Variants in RAI1 observed in about 807,000 individuals in gnomAD.
RAI1 encodes retinoic acid induced 1.
In RAI1, 9 loss-of-function variants were observed where a neutral mutation model predicts 123.8. That is an observed-to-expected ratio of 0.07 (90% CI 0.04 to 0.13). The LOEUF is 0.13. Among genes scored for constraint, RAI1 ranks in the 10% least tolerant of loss-of-function variants. The pLI is 1.00. For synonymous variants in RAI1, 1,231 were observed against 1,127.3 expected, an observed-to-expected ratio of 1.09 and a Z score of -1.84; for missense variants, 2,256 against 2,545.8, an observed-to-expected ratio of 0.89 and a Z score of 2.45.
chr17:17,792,869 C>A, intron 2 of RAI1, 64 bp from the exon 3 acceptor site: 1 of 1,059,104 alleles, frequency 9.4e-7, no homozygotes, highest in Non-Finnish European at 1.4e-6. Context: ...ATCCTCTGCC[C>A]CCTCCCTGCC....
At chr17:17,692,285 G>A (rs756962233) in intron 1 of RAI1, among the ~76,000 whole-genome samples, 9 of 152,216 alleles carry the variant, frequency 5.9e-5, no homozygotes, top group Non-Finnish European at 1.2e-4. Flanking sequence ...GGGGGTTCCT[G>A]ACAGGAGGGC....
chr17:17,786,812 G>A (rs905060428), intron 2 of RAI1, among the ~76,000 whole-genome samples: 4 of 152,234 alleles, frequency 2.6e-5, no homozygotes, highest in African/African-American at 7.2e-5. Flanking sequence ...GGTGGCTCAC[G>A]CCTGTAATCC....
At chr17:17,686,178 A>C (rs2142855358) in intron 1 of RAI1, among the ~76,000 whole-genome samples, 1 of 152,346 alleles carries the variant, frequency 6.6e-6, no homozygotes, top group East Asian at 1.9e-4. Flanking sequence ...GCTTCCTGGC[A>C]GGAGGGCCAG....
At chr17:17,766,720 G>A (rs900988395) in intron 2 of RAI1, among the ~76,000 whole-genome samples, 3 of 152,250 alleles carry the variant, frequency 2.0e-5, no homozygotes, top group Non-Finnish European at 4.4e-5. Flanking sequence ...CGCACAGGCG[G>A]CGGCACTGTT....
chr17:17,793,568 C>T lies in RAI1; in HGVS notation c.620C>T (p.Thr207Ile). The stretch of plus-strand genomic sequence containing the variant: ...TCCCCTCTGCCCTTCCCCCAGGGTA[C>T]CCACTTTCCTCAGCATTCCCAGTCC... ...IASPLPFPQG[T>I]HFPQHSQSFP... Residue 207 changes from threonine to isoleucine, a missense_variant, in exon 3 of 6, where the codon ACC becomes ATC. By Grantham distance (89) the Thr-to-Ile change is moderately conservative (BLOSUM62 -1). This residue lies in a region of RAI1 where 336 missense variants were observed against 349.8 expected (regional missense o/e 0.96). Transcript: ENST00000353383. The T allele has an allele frequency of 6.2e-7, 1 of 1,613,882 alleles. No homozygotes were observed. Among genetic ancestry groups the T allele is most frequent in the African/African-American group, 1.3e-5 (1 of 75,020 alleles).
chr17:17,794,223 C>T lies in RAI1; in HGVS notation c.1275C>T (p.Asn425=). The T allele has an allele frequency of 6.2e-7, 1 of 1,613,458 alleles. No individual in the cohort carries two copies. Residue 425 remains asparagine (N), a synonymous_variant, in exon 3 of 6, where the codon AAC becomes AAT. Transcript: ENST00000353383. The stretch of plus-strand genomic sequence containing the variant: ...TTCAGAAGGACAAGCTCCCTGAGAA[C>T]CTGCTGTCGGATCTCAGCCTGCAGA... ...KPLQKDKLPE[N]LLSDLSLQSL... is the part of the protein sequence containing the mutation.
intron 2 of RAI1, among the ~76,000 whole-genome samples, chr17:17,771,426 G>A (rs2031154524): frequency 3.9e-5 from 6 of 152,230 alleles, no homozygotes. Flanking sequence ...GTTCGTTTGG[G>A]AGACAAAATC....
chr17:17,705,179 C>T (rs898717134), intron 1 of RAI1, among the ~76,000 whole-genome samples: 3 of 152,194 alleles, frequency 2.0e-5, no homozygotes, highest in Non-Finnish European at 2.9e-5. Flanking sequence ...TCAAGCCTGT[C>T]CCCCGGCCAG....
chr17:17,717,298 A>C (rs1400098921), intron 1 of RAI1, among the ~76,000 whole-genome samples: 1 of 152,146 alleles, frequency 6.6e-6, no homozygotes, highest in Admixed American at 6.5e-5. Flanking sequence ...AGAGAGAAGA[A>C]AGCGCCTGTG....
chr17:17,687,720 C>T (rs1398206011), intron 1 of RAI1, among the ~76,000 whole-genome samples: 3 of 152,106 alleles, frequency 2.0e-5, no homozygotes, highest in Non-Finnish European at 4.4e-5. Flanking sequence ...AAAATGTGAA[C>T]GGGCTTTGTT....
At chr17:17,798,613 C>CA in intron 3 of RAI1, 100 bp downstream of exon 3, 1 of 1,537,628 alleles carries the variant, frequency 6.5e-7, no homozygotes, top group Non-Finnish European at 8.7e-7. Flanking sequence ...CAGTGTGGGC[C>CA]AAATGTGTCT....
chr17:17,708,409 T>TAC lies in RAI1; in HGVS notation c.-148-15618_-148-15617insCA, dbSNP rs1428609881. Among the ~76,000 whole-genome samples the TAC allele has an allele frequency of 3.2e-3, 430 of 133,348 alleles. 3 individuals are homozygous for TAC. Among genetic ancestry groups the TAC allele is most frequent in the African/African-American group, 0.011 (376 of 33,934 alleles). The allele number at this position is 133,348 out of a possible 152,430, so 87.5% of individuals were successfully genotyped here. A position where few individuals can be genotyped will look rare whatever the true frequency, so the allele number is the denominator to read the frequency against. On this transcript the variant is annotated intron_variant, in intron 1 of 5. Transcript: ENST00000353383. ...CCTGTCCTCTCTTCTCATATATATA[T>TAC]ATACACACACACACACACATATATA...
intron 1 of RAI1, among the ~76,000 whole-genome samples, chr17:17,706,022 C>CAAAAAA (rs1197967787): frequency 2.7e-5 from 1 of 37,380 alleles, no homozygotes; most frequent in African/African-American, 8.8e-5. Context: ...GACTCTGTCT[C>CAAAAAA]AAAAAAAAAA....
chr17:17,798,795 G>A (rs936278458), intron 3 of RAI1, among the ~76,000 whole-genome samples: 5 of 152,072 alleles, frequency 3.3e-5, no homozygotes, highest in Admixed American at 6.5e-5. Context: ...GCATCTTCAG[G>A]CTCCAGCCCC....
At chr17:17,803,723 G>C (rs1332012394) in intron 3 of RAI1, 33 bp from the exon 4 acceptor site, 1 of 1,593,664 alleles carries the variant, frequency 6.3e-7, no homozygotes, top group East Asian at 2.2e-5. Context: ...GCTCCAACTG[G>C]AGACTCACCT....
Position 17,685,400 on chromosome 17 carries a change from C to T in RAI1, c.-149+3607C>T, listed in dbSNP as rs1400827084. ...ACCCAGCTCATAGCCAAGGCCTCGA[C>T]CAGAGCTGGAGGCTTCCTGGAGGAG... On this transcript the variant is annotated intron_variant, in intron 1 of 5. Coordinates refer to ENST00000353383, the MANE Select transcript of RAI1 (RefSeq NM_030665.4). This position sits in a 1 kb window ranked among gnomAD's most constrained non-coding sequence, Gnocchi z 4.0. Among the ~76,000 whole-genome samples, 1 of 152,260 alleles carries T rather than the reference C, an allele frequency of 6.6e-6. No homozygotes were observed. The highest frequency in any genetic ancestry group is 1.5e-5 in the Non-Finnish European group (1 of 68,054).
rs2032394115 is a variant in RAI1, at chr17:17,799,840, T to C, written c.5565+1327T>C. 6.7e-6 allele frequency among the ~76,000 whole-genome samples: 1 copy of C among 148,388 alleles called. No individual in the cohort carries two copies. Among genetic ancestry groups the C allele is most frequent in the South Asian group, 2.2e-4 (1 of 4,500 alleles). ...CCTCGCAGTACACCCCTGCAGCCCC[T>C]CTGAGCAGCCCCTGCTCCTGACAGT... is the stretch of plus-strand genomic sequence containing the variant. On this transcript the variant is annotated intron_variant, in intron 3 of 5. Transcript: ENST00000353383. This position sits in a 1 kb window ranked among gnomAD's most constrained non-coding sequence, Gnocchi z 4.5.
At chr17:17,697,260 C>A (rs928040273) in intron 1 of RAI1, among the ~76,000 whole-genome samples, 1 of 152,228 alleles carries the variant, frequency 6.6e-6, no homozygotes, top group Admixed American at 6.5e-5. Context: ...TGTATCAGAA[C>A]AGCATCTGGA....
intron 2 of RAI1, among the ~76,000 whole-genome samples, chr17:17,725,266 C>T (rs753266902): frequency 3.8e-4 from 58 of 152,284 alleles, no homozygotes; most frequent in Non-Finnish European, 6.8e-4. Flanking sequence ...TCAGCCTCCT[C>T]CCCTCTGGTA....
Sources: gnomAD v4.1 joint callset for allele counts (sites outside exome capture counted in the v4.1 genomes callset) on GRCh38, gnomAD v4.1.1 for gene constraint, gnomAD v4.1.1 regional missense constraint, Gnocchi (gnomAD v3.1) non-coding constraint, MANE v1.5 for transcripts, NCBI Gene and HGNC (gene_info 2026-07-23, HGNC 2026-07-21) for gene names.